Variants in RREB1 observed in about 807,000 individuals in gnomAD.
RREB1 encodes ras responsive element binding protein 1.
Under a neutral mutation model 117.8 loss-of-function variants are expected in RREB1, and 27 were observed. The ratio of observed to expected loss-of-function variants is 0.23; its 90% CI spans 0.17 to 0.32. The LOEUF is 0.32. RREB1 is among the 10% of genes least tolerant of loss of function. The pLI, the probability that RREB1 is intolerant of heterozygous loss-of-function variation, is 1.00. For synonymous variants in RREB1, 1,298 were observed against 1,026.7 expected, an observed-to-expected ratio of 1.26 and a Z score of -5.05; for missense variants, 2,577 against 2,378.2, an observed-to-expected ratio of 1.08 and a Z score of -1.74.
Position 7,230,762 on chromosome 6 carries a change from C to A in RREB1, c.2663C>A (p.Pro888His). ...PPPHVSIKLE[P>H]ASSFAVDFNE... ...CCCCATGTCTCGATCAAGTTGGAGC[C>A]CGCCAGTAGCTTTGCGGTGGACTTC... The change falls in exon 10 of 13, where the codon CCC becomes CAC. Residue 888 changes from proline to histidine, a missense_variant. Pro to His is a moderately conservative substitution (Grantham distance 77, BLOSUM62 -2). Coordinates refer to ENST00000379938, the MANE Select transcript of RREB1 (RefSeq NM_001003699.4). 6.2e-7 allele frequency: 1 copy of A among 1,611,270 alleles called. No individual in the cohort carries two copies. The highest frequency in any genetic ancestry group is 8.5e-7 in the Non-Finnish European group (1 of 1,178,234).
At chr6:7,248,290 G>A (rs1769225383) in intron 12 of RREB1, among the ~76,000 whole-genome samples, 1 of 152,196 alleles carries the variant, frequency 6.6e-6, no homozygotes, top group African/African-American at 2.4e-5. Flanking sequence ...CCTGGGCTGA[G>A]AGAGGAAGGA....
intron 1 of RREB1, among the ~76,000 whole-genome samples, chr6:7,130,803 GA>G (rs2113351291): frequency 6.6e-6 from 1 of 152,076 alleles, no homozygotes; most frequent in African/African-American, 2.4e-5. Context: ...GTTTAGTAGA[GA>G]TGGGGTTTTA....
At chr6:7,189,398 C>G in intron 6 of RREB1, 76 bp downstream of exon 6, 2 of 1,346,824 alleles carry the variant, frequency 1.5e-6, no homozygotes, top group Non-Finnish European at 2.0e-6. Context: ...GCCTCTGAGC[C>G]TTCAGAAGAC....
intron 1 of RREB1, among the ~76,000 whole-genome samples, chr6:7,109,335 C>T (rs1036227962): frequency 1.3e-5 from 2 of 152,032 alleles, no homozygotes; most frequent in Non-Finnish European, 2.9e-5. Flanking sequence ...TAGGAAACTG[C>T]GACCTTAATG....
chr6:7,229,357 C>G lies in RREB1; in HGVS notation c.1258C>G (p.Leu420Val), dbSNP rs1325343368. The G allele has an allele frequency of 1.3e-5, 21 of 1,614,046 alleles. No homozygotes were observed. The highest frequency in any genetic ancestry group is 1.8e-5 in the Non-Finnish European group (21 of 1,179,990). Residue 420 changes from leucine (L) to valine (V), a missense_variant, in exon 10 of 13, where the codon CTA (leucine) becomes GTA (valine). Coordinates refer to ENST00000379938, the MANE Select transcript of RREB1 (RefSeq NM_001003699.4). This position sits in a 1 kb window ranked among gnomAD's most constrained non-coding sequence, Gnocchi z 4.5. ...LSLSPFEAAS[L>V]GGSLTVLPAT... is the part of the protein sequence containing the mutation. ...CCTGTCACCTTTCGAAGCTGCTTCC[C>G]TAGGCGGTTCTCTCACAGTTCTCCC...
At chr6:7,144,760 A>G (rs1762783910) in intron 1 of RREB1, among the ~76,000 whole-genome samples, 1 of 152,162 alleles carries the variant, frequency 6.6e-6, no homozygotes, top group South Asian at 2.1e-4. Context: ...TCTCCCAAGG[A>G]GATACATTTC....
chr6:7,231,843 T>C lies in RREB1; in HGVS notation c.3744T>C (p.Cys1248=), dbSNP rs1768005049. 6 of 1,613,514 alleles carry C rather than the reference T, an allele frequency of 3.7e-6. No homozygotes were observed. Among genetic ancestry groups the C allele is most frequent in the Non-Finnish European group, 5.1e-6 (6 of 1,179,942 alleles). ...CCAACTGCCTGCAGAAGATCACCTGTCCCCACTGTCCCCGGGTTTTCCCTT... is the reference window on the plus strand; with the variant it reads ...CCAACTGCCTGCAGAAGATCACCTGCCCCCACTGTCCCCGGGTTTTCCCTT... ...SYTNCLQKIT[C]PHCPRVFPWA... The change falls in exon 10 of 13, where the codon TGT becomes TGC. Residue 1248 remains cysteine (C), a synonymous_variant. Coordinates refer to ENST00000379938, the MANE Select transcript of RREB1 (RefSeq NM_001003699.4).
chr6:7,249,101 GAGAC>G lies in RREB1; in HGVS notation c.*135_*138del, dbSNP rs1364941319. 8.4e-6 allele frequency: 5 copies of G among 591,942 alleles called. No homozygotes were observed. Among genetic ancestry groups the G allele is most frequent in the South Asian group, 2.4e-5 (1 of 42,392 alleles). The allele number at this position is 591,942 out of a possible 1,614,324, so 36.7% of individuals were successfully genotyped here. A position where few individuals can be genotyped will look rare whatever the true frequency, so the allele number is the denominator to read the frequency against. On this transcript the variant is annotated 3_prime_UTR_variant, in exon 13 of 13. Transcript: ENST00000379938. The stretch of plus-strand genomic sequence containing the variant: ...AGAGAGAGAGAGAGAGAGAGAGAGA[GAGAC>G]AAGCAGGAGCGTGGCTGCTCGCTCA...
At chr6:7,192,286 G>C (rs1353082914) in intron 6 of RREB1, among the ~76,000 whole-genome samples, 3 of 151,660 alleles carry the variant, frequency 2.0e-5, no homozygotes, top group Non-Finnish European at 4.4e-5. Context: ...TGCGCCTCCC[G>C]GTTTCAAGTG....
At chr6:7,199,202 A>G (rs1765811690) in intron 6 of RREB1, among the ~76,000 whole-genome samples, 1 of 152,108 alleles carries the variant, frequency 6.6e-6, no homozygotes, top group Non-Finnish European at 1.5e-5. Context: ...GATAAAGGAT[A>G]CTCCCTGGAA....
At chr6:7,224,710 C>T (rs751216134) in intron 8 of RREB1, among the ~76,000 whole-genome samples, 8 of 152,158 alleles carry the variant, frequency 5.3e-5, no homozygotes, top group South Asian at 2.1e-4. Flanking sequence ...TGATTTAGAC[C>T]GCTGGGTACT....
chr6:7,240,391 A>C (rs915015453), intron 10 of RREB1, 47 bp from the exon 11 acceptor site: 1 of 1,521,030 alleles, frequency 6.6e-7, no homozygotes, highest in South Asian at 1.2e-5. Flanking sequence ...TTTCTATTTC[A>C]TTGCAGTAGA....
intron 1 of RREB1, among the ~76,000 whole-genome samples, chr6:7,119,146 T>C (rs1184584538): frequency 1.3e-5 from 2 of 151,956 alleles, no homozygotes; most frequent in Non-Finnish European, 2.9e-5. Context: ...CCCAGCACTT[T>C]GGGAGACCAG....
At chr6:7,187,152 T>C (rs1765125910) in intron 4 of RREB1, among the ~76,000 whole-genome samples, 1 of 152,232 alleles carries the variant, frequency 6.6e-6, no homozygotes, top group East Asian at 1.9e-4. Flanking sequence ...TAGTATTGAT[T>C]GAGTACTGAC....
At chr6:7,191,302 G>T (rs9505068) in intron 6 of RREB1, among the ~76,000 whole-genome samples, 2,246 of 151,956 alleles carry the variant, frequency 0.015, 41 homozygotes, top group African/African-American at 0.051. Flanking sequence ...TGGGCTTCAG[G>T]TTCTTTTTTA....
chr6:7,224,464 G>A (rs1181296980), intron 8 of RREB1, among the ~76,000 whole-genome samples: 1 of 152,042 alleles, frequency 6.6e-6, no homozygotes, highest in Admixed American at 6.6e-5. Flanking sequence ...GTGGTGGCGA[G>A]GTGATGGATT....
At chr6:7,136,567 C>A (rs1180178796) in intron 1 of RREB1, among the ~76,000 whole-genome samples, 2 of 152,170 alleles carry the variant, frequency 1.3e-5, no homozygotes, top group Non-Finnish European at 2.9e-5. Flanking sequence ...TGAGCCACTA[C>A]CCTCAGCCTG....
In RREB1 at chr6:7,171,178, G is replaced by A. The variant is rs202138146; in HGVS notation, c.-284-5477G>A. On this transcript the variant is annotated intron_variant, in intron 1 of 12. Transcript: ENST00000379938. ...CTTCTAGAACACAAGGGTATATAAC[G>A]TGAAGTGCCCCATCACTTTGCAGAG... Among the ~76,000 whole-genome samples the A allele has an allele frequency of 5.9e-5, 9 of 152,306 alleles. No homozygotes were observed. The East Asian group carries it at 1.3e-3, about 23-fold the overall frequency.
At chr6:7,220,991 C>T (rs897595628) in intron 8 of RREB1, among the ~76,000 whole-genome samples, 1 of 152,192 alleles carries the variant, frequency 6.6e-6, no homozygotes, top group Non-Finnish European at 1.5e-5. Context: ...TGAAGAGCTG[C>T]TTAGAAACAA....
Sources: gnomAD v4.1 joint callset for allele counts (sites outside exome capture counted in the v4.1 genomes callset) on GRCh38, gnomAD v4.1.1 for gene constraint, Gnocchi (gnomAD v3.1) non-coding constraint, MANE v1.5 for transcripts, NCBI Gene and HGNC (gene_info 2026-07-23, HGNC 2026-07-21) for gene names.